Variants in FANCA observed in about 807,000 individuals in gnomAD.
The protein encoded by FANCA is FA complementation group A, also known as Fanconi anemia group A protein.
A neutral mutation model predicts 194.3 loss-of-function variants in FANCA; 236 were observed. That is an observed-to-expected ratio of 1.21 (90% CI 1.09 to 1.35). The LOEUF (loss-of-function observed/expected upper bound fraction) is 1.35. FANCA is among the 40% of genes most tolerant of loss of function. The probability of loss-of-function intolerance (pLI) is 0.00; values close to 1 mark genes in which losing one functional copy is unlikely to be tolerated. For synonymous variants in FANCA, 1,014 were observed against 715.8 expected (o/e 1.42, Z -6.65); for missense variants, 2,628 against 1,813.9 (o/e 1.45, Z -8.15).
In FANCA at chr16:89,791,405, T is replaced by G; in HGVS notation, c.1357A>C (p.Lys453Gln). Residue 453 changes from lysine (K) to glutamine (Q), a missense_variant and splice_region_variant, in exon 14 of 43, where the codon AAG becomes CAG. Lys to Gln is a moderately conservative substitution (Grantham distance 53). Transcript: ENST00000389301. The stretch of plus-strand genomic sequence containing the variant: ...TAGCCGATTGGCAGGTCACTTACCT[T>G]GAACCAGTCTGCATATGACAGGAAC... ...SAFLSYADWF[K>Q]ASFGSTRGYH... The G allele has an allele frequency of 6.2e-7, 1 of 1,613,896 alleles. No individual in the cohort carries two copies. The highest frequency in any genetic ancestry group is 2.2e-5 in the East Asian group (1 of 44,874).
rs568573794 is a variant in FANCA, at chr16:89,816,016, A to C, written c.80-30T>G. On this transcript the variant is annotated intron_variant, in intron 1 of 42. Transcript: ENST00000389301. Reference sequence around the variant, plus strand: ...GGAGAGAAGTCGGTTCGAAACCATCACAGCACAATTCACACACGGGGTCCC... The same window carrying C: ...GGAGAGAAGTCGGTTCGAAACCATCCCAGCACAATTCACACACGGGGTCCC... 3.7e-4 allele frequency: 576 copies of C among 1,555,780 alleles called. 11 individuals carry two copies. The South Asian group carries it at 5.9e-3, about 16-fold the overall frequency.
chr16:89,810,640 C>T, intron 5 of FANCA, 67 bp downstream of exon 5: 1 of 1,017,816 alleles, frequency 9.8e-7, no homozygotes, highest in Non-Finnish European at 1.6e-6. Context: ...TACTCTGTTG[C>T]CTCCATCCAG....
intron 11 of FANCA, 25 bp from the exon 12 acceptor site, chr16:89,792,572 A>C: frequency 6.2e-7 from 1 of 1,607,784 alleles, no homozygotes; most frequent in Non-Finnish European, 8.5e-7. Context: ...ACAGACAAAA[A>C]CTTCAAGTCA....
chr16:89,810,678 G>A (rs772946148), intron 5 of FANCA, 29 bp downstream of exon 5: 14 of 1,392,402 alleles, frequency 1.0e-5, no homozygotes, highest in Middle Eastern at 2.1e-4. Context: ...TGGAACACTG[G>A]AGAGTCAGAT....
intron 30 of FANCA, among the ~76,000 whole-genome samples, chr16:89,758,189 T>A (rs1393876999): frequency 6.6e-6 from 1 of 152,126 alleles, no homozygotes; most frequent in Admixed American, 6.5e-5. Context: ...TCTATACACA[T>A]AAAGAAACAA....
At chr16:89,742,703 T>C in intron 37 of FANCA, 97 bp downstream of exon 37, 1 of 1,357,602 alleles carries the variant, frequency 7.4e-7, no homozygotes, top group Non-Finnish European at 1.0e-6. Context: ...CATATTTGTC[T>C]TTAGAAAAAC....
At chr16:89,770,736 CA>C in intron 23 of FANCA, 102 bp from the exon 24 acceptor site, 1 of 1,018,516 alleles carries the variant, frequency 9.8e-7, no homozygotes, top group Non-Finnish European at 1.5e-6. Context: ...TTCTGCTTTG[CA>C]AAAAGACCTC....
At chr16:89,760,240 G>C (rs2038906694) in intron 29 of FANCA, among the ~76,000 whole-genome samples, 1 of 152,248 alleles carries the variant, frequency 6.6e-6, no homozygotes. Flanking sequence ...AAACGGGGGT[G>C]AGTGAAGGAA....
chr16:89,758,660 C>G lies in FANCA; in HGVS notation c.2898G>C (p.Glu966Asp). The change falls in exon 30 of 43, where the codon GAG becomes GAC. Residue 966 changes from glutamate (E) to aspartate (D), a missense_variant. Coordinates refer to ENST00000389301, the MANE Select transcript of FANCA (RefSeq NM_000135.4). The stretch of plus-strand genomic sequence containing the variant: ...CGTCACAGCCCCCTGAAGCCGAGGA[C>G]TCAGGGAGAAAGTGCTCATGGATCG... The part of the protein sequence containing the change: ...QWAIHEHFLP[E>D]SSASGGCDGD... The G allele has an allele frequency of 6.2e-7, 1 of 1,613,992 alleles. No homozygotes were observed. The highest frequency in any genetic ancestry group is 1.1e-5 in the South Asian group (1 of 91,086).
At position 89,767,238 on chromosome 16, in the gene FANCA, C is replaced by A; in HGVS notation, c.2505-1G>T. On this transcript the variant is annotated splice_acceptor_variant, in intron 26 of 42. Transcript: ENST00000389301. LOFTEE classifies it high-confidence loss of function. ...GTAAGAAATTGCTGCTGTACAAAAT[C>A]TGAAAACAGAAATTATAACATATAA... 6.2e-7 allele frequency: 1 copy of A among 1,600,142 alleles called. No individual in the cohort carries two copies. The highest frequency in any genetic ancestry group is 8.6e-7 in the Non-Finnish European group (1 of 1,167,602).
intron 23 of FANCA, 41 bp from the exon 24 acceptor site, chr16:89,770,675 C>T (rs368679696): frequency 4.2e-5 from 65 of 1,543,390 alleles, no homozygotes; most frequent in African/African-American, 2.6e-4. Flanking sequence ...GTCCTGGGGA[C>T]GGGAGCAGCA....
intron 14 of FANCA, among the ~76,000 whole-genome samples, chr16:89,787,862 C>T (rs532003602): frequency 1.3e-5 from 2 of 151,294 alleles, no homozygotes; most frequent in Non-Finnish European, 2.9e-5. Context: ...TTAACATTTC[C>T]TAAAAGTAAA....
At chr16:89,776,107 T>C (rs915915317) in intron 20 of FANCA, among the ~76,000 whole-genome samples, 2 of 150,814 alleles carry the variant, frequency 1.3e-5, no homozygotes, top group Admixed American at 6.6e-5. Context: ...TTTCTATTTC[T>C]CTCATACAAT....
At chr16:89,774,376 C>G (rs543392334) in intron 21 of FANCA, among the ~76,000 whole-genome samples, 3 of 152,090 alleles carry the variant, frequency 2.0e-5, no homozygotes, top group Non-Finnish European at 4.4e-5. Flanking sequence ...CGCCTCACAC[C>G]GCAGGGTACA....
intron 36 of FANCA, 81 bp from the exon 37 acceptor site, chr16:89,743,019 T>TGTC: frequency 6.6e-7 from 1 of 1,525,230 alleles, no homozygotes; most frequent in Non-Finnish European, 8.9e-7. Context: ...TATTCCCACC[T>TGTC]GTCACCTTTG....
At position 89,738,160 on chromosome 16, in the gene FANCA, C is replaced by A; in HGVS notation, c.*441G>T. 1 of 1,613,396 alleles carries A rather than the reference C, an allele frequency of 6.2e-7. No individual in the cohort carries two copies. The highest frequency in any genetic ancestry group is 8.5e-7 in the Non-Finnish European group (1 of 1,179,956). On this transcript the variant is annotated 3_prime_UTR_variant, in exon 43 of 43. Transcript: ENST00000389301. ...GCTGACACAGACCCAGGACAAGGCC[C>A]TGCCCCTGGAGGCGGAACCACCACC...
intron 3 of FANCA, among the ~76,000 whole-genome samples, chr16:89,812,646 C>CAAAAAA (rs71137677): frequency 1.1e-3 from 45 of 42,212 alleles, no homozygotes; most frequent in East Asian, 4.3e-3. Flanking sequence ...TACTCCGTCT[C>CAAAAAA]AAAAAAAAAA....
chr16:89,805,188 T>C, intron 7 of FANCA, 92 bp downstream of exon 7: 1 of 955,866 alleles, frequency 1.0e-6, no homozygotes, highest in Non-Finnish European at 1.7e-6. Context: ...AGAGACAGGC[T>C]GTTCTGCCTC....
At chr16:89,815,624 G>A (rs2041081256) in intron 2 of FANCA, among the ~76,000 whole-genome samples, 3 of 151,914 alleles carry the variant, frequency 2.0e-5, no homozygotes, top group Admixed American at 2.0e-4. Flanking sequence ...CCCAAAAGCT[G>A]GGATTACAGC....
Sources: allele counts gnomAD v4.1 joint callset (sites outside exome capture counted in the v4.1 genomes callset), GRCh38; gene constraint gnomAD v4.1.1; transcripts MANE v1.5; gene names NCBI Gene and HGNC (gene_info 2026-07-23, HGNC 2026-07-21).